Variants in PCDH9 observed in about 807,000 individuals in gnomAD.
The protein encoded by PCDH9 is protocadherin 9.
Under a neutral mutation model 70.6 loss-of-function variants are expected in PCDH9, and 24 were observed. That is an observed-to-expected ratio of 0.34 (90% CI 0.25 to 0.48). PCDH9 has a LOEUF of 0.48. Among genes scored for constraint, PCDH9 ranks in the 20% least tolerant of loss-of-function variants. The probability of loss-of-function intolerance (pLI) is 0.99; values close to 1 mark genes in which losing one functional copy is unlikely to be tolerated. For synonymous variants in PCDH9, 562 were observed against 558.5 expected (o/e 1.01, Z -0.09); for missense variants, 1,281 against 1,503.6 (o/e 0.85, Z 2.45).
At chr13:66,314,249 A>T (rs906475574) in intron 4 of PCDH9, among the ~76,000 whole-genome samples, 7 of 152,184 alleles carry the variant, frequency 4.6e-5, no homozygotes, top group African/African-American at 1.7e-4. Flanking sequence ...CAGTGGTCTA[A>T]ACTAATAACG....
chr13:66,695,233 C>T (rs949092484), intron 3 of PCDH9, among the ~76,000 whole-genome samples: 2 of 152,122 alleles, frequency 1.3e-5, no homozygotes, highest in Non-Finnish European at 2.9e-5. Context: ...AATGTATAAA[C>T]TGAAACCAGT....
At chr13:66,876,309 T>A (rs2081808897) in intron 3 of PCDH9, among the ~76,000 whole-genome samples, 1 of 152,102 alleles carries the variant, frequency 6.6e-6, no homozygotes, top group South Asian at 2.1e-4. Context: ...AAACATAAGA[T>A]CATAACTACA....
rs144146042 is a variant in PCDH9 at position 66,633,304 on chromosome 13, C to T, written c.3139-1893G>A. On this transcript the variant is annotated intron_variant, in intron 3 of 4. Coordinates refer to ENST00000377865, the MANE Select transcript of PCDH9 (RefSeq NM_203487.3). ...CATTCCCTTCTCAAAGGTTTTGAAACGTGCCTAGGTGAGTGCTATAGAAAA... is the reference window on the plus strand; with the variant it reads ...CATTCCCTTCTCAAAGGTTTTGAAATGTGCCTAGGTGAGTGCTATAGAAAA... Among the ~76,000 whole-genome samples the T allele has an allele frequency of 8.5e-5, 13 of 152,250 alleles. No homozygotes were observed. The East Asian group carries it at 2.1e-3, about 25-fold the overall frequency.
intron 4 of PCDH9, among the ~76,000 whole-genome samples, chr13:66,420,930 A>C (rs545005537): frequency 6.6e-6 from 1 of 152,038 alleles, no homozygotes; most frequent in Non-Finnish European, 1.5e-5. Context: ...GAAGCTAAGA[A>C]CCTTGATAAA....
At chr13:67,026,699 C>A (rs1235455024) in intron 2 of PCDH9, among the ~76,000 whole-genome samples, 35 of 151,762 alleles carry the variant, frequency 2.3e-4, no homozygotes, top group African/African-American at 6.3e-4. Context: ...TTAAGCTGAT[C>A]AGCAACTTCA....
chr13:66,776,002 CT>C (rs1161955184), intron 3 of PCDH9, among the ~76,000 whole-genome samples: 50 of 152,296 alleles, frequency 3.3e-4, no homozygotes, highest in African/African-American at 1.2e-3. Flanking sequence ...ACTGCTTCTG[CT>C]TTTGTCTCAG....
At chr13:67,121,157 A>G (rs2086871210) in intron 2 of PCDH9, among the ~76,000 whole-genome samples, 1 of 152,028 alleles carries the variant, frequency 6.6e-6, no homozygotes, top group Non-Finnish European at 1.5e-5. Flanking sequence ...CTTTTTCTGG[A>G]TGTTTCTTGA....
chr13:66,946,042 T>G (rs951287252), intron 2 of PCDH9, among the ~76,000 whole-genome samples: 3 of 152,162 alleles, frequency 2.0e-5, no homozygotes, highest in Non-Finnish European at 4.4e-5. Flanking sequence ...TGGATGAAAA[T>G]AGCATCAAAT....
chr13:66,845,946 A>G (rs898796231), intron 3 of PCDH9, among the ~76,000 whole-genome samples: 2 of 152,206 alleles, frequency 1.3e-5, no homozygotes, highest in Non-Finnish European at 2.9e-5. Context: ...TTCAAGACAC[A>G]GATTAAGCTG....
At chr13:66,609,954 CTTTTTTT>C (rs11333407) in intron 4 of PCDH9, among the ~76,000 whole-genome samples, 1 of 117,134 alleles carries the variant, frequency 8.5e-6, no homozygotes, top group Non-Finnish European at 1.8e-5. Flanking sequence ...GCATTTCCTT[CTTTTTTT>C]TTTTTTTTTT....
chr13:67,095,664 T>C (rs988807111), intron 2 of PCDH9, among the ~76,000 whole-genome samples: 1 of 152,174 alleles, frequency 6.6e-6, no homozygotes, highest in African/African-American at 2.4e-5. Context: ...GAATTCCTGT[T>C]GCAAGGATTA....
intron 3 of PCDH9, among the ~76,000 whole-genome samples, chr13:66,661,659 A>G (rs984598063): frequency 1.3e-5 from 2 of 152,258 alleles, no homozygotes; most frequent in Non-Finnish European, 2.9e-5. Flanking sequence ...ATCAGCACAC[A>G]TGTACAATTA....
chr13:66,320,591 T>TGAAACACTC (rs1955736929), intron 4 of PCDH9, among the ~76,000 whole-genome samples: 2 of 152,102 alleles, frequency 1.3e-5, no homozygotes, highest in African/African-American at 4.8e-5. Context: ...CCAAATGTTC[T>TGAAACACTC]CCCTTTCAGC....
intron 4 of PCDH9, among the ~76,000 whole-genome samples, chr13:66,512,655 C>A (rs1460015269): frequency 6.7e-6 from 1 of 148,860 alleles, no homozygotes; most frequent in Admixed American, 6.6e-5. Flanking sequence ...CACACAGACA[C>A]AAACACAGAT....
Position 67,227,031 on chromosome 13 carries a change from G to C in PCDH9, c.1410C>G (p.Asn470Lys), listed in dbSNP as rs1359978365. 1 of 1,614,146 alleles carries C rather than the reference G, an allele frequency of 6.2e-7. No homozygotes were observed. Among genetic ancestry groups the C allele is most frequent in the South Asian group, 1.1e-5 (1 of 91,078 alleles). ...EDENDNPPIF[N>K]QPVIELSVSE... ...AAACTGACAGCTCAATTACAGGCTGGTTGAAAATTGGTGGGTTGTCATTTT... is the reference window on the plus strand; with the variant it reads ...AAACTGACAGCTCAATTACAGGCTGCTTGAAAATTGGTGGGTTGTCATTTT... The change falls in exon 2 of 5, where the codon AAC becomes AAG. Residue 470 changes from asparagine (N) to lysine (K), a missense_variant. Transcript: ENST00000377865. The surrounding 1 kb of genome is among the most constrained non-coding windows in gnomAD (Gnocchi z 4.6).
At chr13:66,750,430 G>A (rs949608082) in intron 3 of PCDH9, among the ~76,000 whole-genome samples, 4 of 151,766 alleles carry the variant, frequency 2.6e-5, no homozygotes, top group African/African-American at 9.7e-5. Context: ...TGACTTTCTC[G>A]TTGGACCCAG....
chr13:67,119,524 G>A (rs1044313460), intron 2 of PCDH9, among the ~76,000 whole-genome samples: 1 of 152,014 alleles, frequency 6.6e-6, no homozygotes, highest in Non-Finnish European at 1.5e-5. Flanking sequence ...ATTCAGTAAT[G>A]AACTAGCACA....
At chr13:66,438,229 G>C (rs542503668) in intron 4 of PCDH9, among the ~76,000 whole-genome samples, 1 of 149,094 alleles carries the variant, frequency 6.7e-6, no homozygotes, top group African/African-American at 2.5e-5. Flanking sequence ...GCGAGACTCC[G>C]GCTCAAAAAA....
chr13:66,481,554 A>G (rs1311078726), intron 4 of PCDH9, among the ~76,000 whole-genome samples: 1 of 152,202 alleles, frequency 6.6e-6, no homozygotes, highest in Non-Finnish European at 1.5e-5. Flanking sequence ...TTTATAAAAT[A>G]TGCACTGGGA....
Sources: gnomAD v4.1 joint callset for allele counts (sites outside exome capture counted in the v4.1 genomes callset) on GRCh38, gnomAD v4.1.1 for gene constraint, Gnocchi (gnomAD v3.1) non-coding constraint, MANE v1.5 for transcripts, NCBI Gene and HGNC (gene_info 2026-07-23, HGNC 2026-07-21) for gene names.